Variants in TRMT44 observed in about 807,000 individuals in gnomAD.
The protein encoded by TRMT44 is tRNA methyltransferase 44 homolog.
A neutral mutation model predicts 77.3 loss-of-function variants in TRMT44; 78 were observed. The observed-to-expected ratio is 1.01, with a 90% CI of 0.84 to 1.22. The LOEUF is 1.22. Ranked by LOEUF, TRMT44 falls within the 50% of genes most tolerant of loss-of-function variation. The pLI is 0.00. For synonymous variants in TRMT44, 391 were observed against 383.3 expected (o/e 1.02, Z -0.23); for missense variants, 1,090 against 964.4 (o/e 1.13, Z -1.73).
rs1005326805 is a variant in TRMT44, at chr4:8,466,884, G to A, written c.1495-1030G>A. On this transcript the variant is annotated intron_variant, in intron 8 of 10. Transcript: ENST00000389737. ...CATGTCTGGTGGGGACTGGGTGTGT[G>A]ACAGGCACTGAGAATTTAAAATCCC... Among the ~76,000 whole-genome samples the A allele has an allele frequency of 3.3e-5, 5 of 152,228 alleles. 1 individual carries two copies. Among genetic ancestry groups the A allele is most frequent in the Admixed American group, 2.6e-4 (4 of 15,288 alleles).
chr4:8,468,684 A>G lies in TRMT44; in HGVS notation c.1927+338A>G, dbSNP rs182478510. The G allele has an allele frequency of 2.1e-5, 11 of 516,142 alleles. No individual in the cohort carries two copies. In the Admixed American group the frequency reaches 3.5e-4, roughly 16 times the overall value. The allele number at this position is 516,142 out of a possible 1,614,324, so 32.0% of individuals were successfully genotyped here. On this transcript the variant is annotated intron_variant, in intron 9 of 10. Transcript: ENST00000389737. The stretch of plus-strand genomic sequence containing the variant: ...AGGTTACTGAGTGCAAGCAAAATGC[A>G]CTGTCCCCTTGAGTATGTGGTAAGA...
chr4:8,486,072 GAGTC>G (rs887836653), intron 2 of TRMT44, among the ~76,000 whole-genome samples: 6 of 152,206 alleles, frequency 3.9e-5, no homozygotes, highest in African/African-American at 7.2e-5. Context: ...ATCTGGGAAG[GAGTC>G]AGTCAGAGAG....
Position 8,441,304 on chromosome 4 carries a change from T to G in TRMT44, c.482T>G (p.Leu161Arg). 6.5e-7 allele frequency: 1 copy of G among 1,535,628 alleles called. No individual in the cohort carries two copies. Among genetic ancestry groups the G allele is most frequent in the Admixed American group, 2.0e-5 (1 of 50,930 alleles). ...QSLARGNSEL[L>R]AFLTSSGAGS... ...CTCGCCCGTGGCAATTCGGAGTTGC[T>G]GGCCTTCCTCACCAGCTCCGGGGCG... Residue 161 changes from leucine (L) to arginine (R), a missense_variant, in exon 1 of 11, where the codon CTG becomes CGG. Coordinates refer to ENST00000389737, the MANE Select transcript of TRMT44 (RefSeq NM_152544.3).
chr4:8,494,639 A>G (rs796711594), downstream of TRMT44, among the ~76,000 whole-genome samples: 5 of 152,324 alleles, frequency 3.3e-5, no homozygotes, highest in East Asian at 1.9e-4. Context: ...CTAAAAATGT[A>G]TAAAAGCAAG....
chr4:8,496,234 A>G (rs945731831), downstream of TRMT44, among the ~76,000 whole-genome samples: 38 of 152,132 alleles, frequency 2.5e-4, no homozygotes, highest in Admixed American at 6.5e-5. Flanking sequence ...CCCACTGTGG[A>G]GTGTACTTTT....
the TRMT44 span, among the ~76,000 whole-genome samples, chr4:8,513,233 C>A: frequency 4.4e-4 from 67 of 152,298 alleles, 1 homozygote; most frequent in African/African-American, 1.6e-3. Flanking sequence ...GGAGACCTCA[C>A]AATCATGGCA....
intron 5 of TRMT44, chr4:8,453,770 C>G (rs1725613611): frequency 6.6e-6 from 1 of 152,278 alleles, no homozygotes; most frequent in Non-Finnish European, 1.5e-5. Flanking sequence ...AGCTTAGCCA[C>G]TTCCTGCTAG....
chr4:8,486,994 C>T lies in TRMT44; in HGVS notation n.3892-6272C>T, dbSNP rs1024124042. Among the ~76,000 whole-genome samples, 11 of 151,834 alleles carry T rather than the reference C, an allele frequency of 7.2e-5. No homozygotes were observed. In the South Asian group the frequency reaches 1.0e-3, roughly 14 times the overall value. ...TTGGGGTTGGGACTGAGGGGACAGGCGGGAGGGAAAGAAGGAAGGTTTGGG... is the reference window on the plus strand; with the variant it reads ...TTGGGGTTGGGACTGAGGGGACAGGTGGGAGGGAAAGAAGGAAGGTTTGGG... On this transcript the variant is annotated intron_variant and non_coding_transcript_variant, in intron 2 of 2. Coordinates refer to the TRMT44 transcript ENST00000511366.
chr4:8,463,850 C>T, intron 6 of TRMT44, 135 bp from the exon 7 acceptor site: 1 of 706,286 alleles, frequency 1.4e-6, no homozygotes, highest in Admixed American at 2.6e-5. Flanking sequence ...CTTCCCCGCT[C>T]TTGGTCATGC....
the TRMT44 span, among the ~76,000 whole-genome samples, chr4:8,499,955 G>A: frequency 1.3e-5 from 2 of 152,238 alleles, no homozygotes; most frequent in Admixed American, 6.5e-5. Flanking sequence ...GCCTATGGGC[G>A]CAGTGGCTCA....
chr4:8,442,902 G>A (rs2060152824), intron 1 of TRMT44, among the ~76,000 whole-genome samples: 1 of 152,198 alleles, frequency 6.6e-6, no homozygotes, highest in African/African-American at 2.4e-5. Context: ...GTTAGGCCGG[G>A]CTCACCTGGA....
chr4:8,454,953 A>G, intron 6 of TRMT44, 140 bp downstream of exon 6: 1 of 788,334 alleles, frequency 1.3e-6, no homozygotes, highest in Non-Finnish European at 2.1e-6. Flanking sequence ...GTGCTCTGAA[A>G]TTAGAGAAGA....
intron 3 of TRMT44, 54 bp downstream of exon 3, chr4:8,449,942 TTC>T: frequency 1.4e-6 from 1 of 717,078 alleles, no homozygotes; most frequent in Non-Finnish European, 1.9e-6. Flanking sequence ...TTCTTTTCTT[TTC>T]TTTTCTTTTT....
At chr4:8,473,659 G>A (rs1727177691) in intron 10 of TRMT44, 1 of 152,562 alleles carries the variant, frequency 6.6e-6, no homozygotes, top group African/African-American at 2.4e-5. Context: ...GGAGGGAGGA[G>A]GCGGCAGGAA....
the TRMT44 span, among the ~76,000 whole-genome samples, chr4:8,505,150 C>T: frequency 1.3e-5 from 2 of 152,214 alleles, no homozygotes; most frequent in Non-Finnish European, 2.9e-5. Context: ...TGTCCCTCAC[C>T]TTTCAAAGGA....
At chr4:8,465,764 CCCT>C (rs1726502155) in intron 8 of TRMT44, among the ~76,000 whole-genome samples, 1 of 152,178 alleles carries the variant, frequency 6.6e-6, no homozygotes, top group African/African-American at 2.4e-5. Flanking sequence ...ACCCGGTGCT[CCCT>C]CCTCCAGGCC....
chr4:8,450,031 A>T lies in TRMT44; in HGVS notation c.954+143A>T, dbSNP rs923413041. On this transcript the variant is annotated intron_variant, in intron 3 of 10. Coordinates refer to ENST00000389737, the MANE Select transcript of TRMT44 (RefSeq NM_152544.3). ...AAAAGGGCCAGAGTGAAGTGGTGTG[A>T]TCTTGGCTCACTGCAACCTCTGCCT... is the stretch of plus-strand genomic sequence containing the variant. 2.8e-5 allele frequency: 15 copies of T among 533,004 alleles called. No individual in the cohort carries two copies. The African/African-American group carries it at 3.3e-4, about 12-fold the overall frequency. 33.0% of individuals were successfully genotyped at this position (533,004 alleles called of 1,614,324 possible).
At chr4:8,464,128 G>GA in intron 7 of TRMT44, 37 bp downstream of exon 7, 1 of 1,561,632 alleles carries the variant, frequency 6.4e-7, no homozygotes, top group Non-Finnish European at 8.8e-7. Flanking sequence ...AATGGCTGGG[G>GA]AATGCTTCAT....
At chr4:8,512,230 C>T in the TRMT44 span, 4 of 152,058 alleles carry the variant, frequency 2.6e-5, no homozygotes, top group African/African-American at 7.2e-5. Flanking sequence ...TTATGTCTGG[C>T]TAATTTTTGT....
Sources: gnomAD v4.1 joint callset for allele counts (sites outside exome capture counted in the v4.1 genomes callset) on GRCh38, gnomAD v4.1.1 for gene constraint, MANE v1.5 for transcripts, NCBI Gene and HGNC (gene_info 2026-07-23, HGNC 2026-07-21) for gene names.